Variants in BDH1 observed in about 807,000 individuals in gnomAD.
BDH1 encodes the protein 3-hydroxybutyrate dehydrogenase 1.
In BDH1, 30 loss-of-function variants were observed where a neutral mutation model predicts 33.1. The observed-to-expected ratio is 0.91, with a 90% CI of 0.68 to 1.23. The LOEUF (loss-of-function observed/expected upper bound fraction) is 1.23. Among genes scored for constraint, BDH1 ranks in the 50% most tolerant of loss-of-function variants. BDH1 has a pLI of 0.00. For missense variants in BDH1, 443 were observed against 464.4 expected, an observed-to-expected ratio of 0.95 and a Z score of 0.42; for synonymous variants, 190 against 183.6, an observed-to-expected ratio of 1.03 and a Z score of -0.28.
chr3:197,527,494 G>A (rs1482756418), intron 5 of BDH1, among the ~76,000 whole-genome samples: 1 of 152,168 alleles, frequency 6.6e-6, no homozygotes, highest in Admixed American at 6.5e-5. Context: ...ACTACTGGCA[G>A]TGCCTCATAT....
At chr3:197,545,488 A>G (rs1043858880) in intron 3 of BDH1, among the ~76,000 whole-genome samples, 1 of 152,250 alleles carries the variant, frequency 6.6e-6, no homozygotes, top group African/African-American at 2.4e-5. Flanking sequence ...ACTGAGAGAC[A>G]TTGTACAACA....
intron 5 of BDH1, among the ~76,000 whole-genome samples, chr3:197,524,712 G>C (rs574793367): frequency 1.3e-5 from 2 of 152,124 alleles, no homozygotes; most frequent in Non-Finnish European, 2.9e-5. Context: ...AGTTGGGGTG[G>C]GGGGTTGTTT....
At chr3:197,533,097 G>C (rs966528525) in intron 4 of BDH1, among the ~76,000 whole-genome samples, 8 of 152,192 alleles carry the variant, frequency 5.3e-5, no homozygotes, top group Non-Finnish European at 7.3e-5. Context: ...GGCTGGTCTT[G>C]AACTCCCTAC....
At chr3:197,565,377 C>G (rs1394552909) in intron 1 of BDH1, among the ~76,000 whole-genome samples, 1 of 152,104 alleles carries the variant, frequency 6.6e-6, no homozygotes, top group Non-Finnish European at 1.5e-5. Context: ...GTGTTCTAAA[C>G]CTTTGATATT....
chr3:197,567,389 C>T (rs2108776875), intron 1 of BDH1, among the ~76,000 whole-genome samples: 1 of 152,284 alleles, frequency 6.6e-6, no homozygotes, highest in Non-Finnish European at 1.5e-5. Context: ...GAGAAAAATG[C>T]ATATCTAATT....
rs944216067 is a variant in BDH1 at position 197,526,132 on chromosome 3, A to G, written c.268-3351T>C. Among the ~76,000 whole-genome samples, 33 of 152,358 alleles carry G rather than the reference A, an allele frequency of 2.2e-4. No homozygotes were observed. The highest frequency in any genetic ancestry group is 3.4e-3 in the Middle Eastern group (1 of 294). On this transcript the variant is annotated intron_variant, in intron 5 of 7. Transcript: ENST00000392379. The surrounding 1 kb of genome is among the most constrained non-coding windows in gnomAD (Gnocchi z 4.7). ...TTCCACTCATTCTCAGACAGTGGAC[A>G]GAGAGCCTCTTTGTTTTGGCATGAA...
At chr3:197,557,212 G>A (rs1349092393), upstream of BDH1, among the ~76,000 whole-genome samples, 1 of 152,190 alleles carries the variant, frequency 6.6e-6, no homozygotes, top group Non-Finnish European at 1.5e-5. This position sits in a 1 kb window ranked among gnomAD's most constrained non-coding sequence, Gnocchi z 4.6. Flanking sequence ...ATAAAACCGA[G>A]CTGTGTCCCA....
intron 3 of BDH1, chr3:197,542,993 T>C (rs2108754788): frequency 2.0e-6 from 2 of 985,404 alleles, no homozygotes; most frequent in Non-Finnish European, 2.4e-6. Context: ...AGCGCCCTGG[T>C]CATCCCGGCC....
At chr3:197,524,276 C>T (rs759791312) in intron 5 of BDH1, among the ~76,000 whole-genome samples, 2 of 152,208 alleles carry the variant, frequency 1.3e-5, no homozygotes, top group Non-Finnish European at 2.9e-5. Context: ...AATGCCCACT[C>T]GCCAGCCAAG....
At chr3:197,533,598 A>G in intron 3 of BDH1, 37 bp from the exon 4 acceptor site, 1 of 1,602,186 alleles carries the variant, frequency 6.2e-7, no homozygotes, top group South Asian at 1.1e-5. Context: ...ACAAGGACAG[A>G]CTAGACAGAC....
At position 197,511,589 on chromosome 3, in the gene BDH1, G is replaced by A. The variant is rs1191578994; in HGVS notation, c.*306C>T. The A allele has an allele frequency of 7.8e-6, 3 of 382,290 alleles. No individual in the cohort carries two copies. The highest frequency in any genetic ancestry group is 6.2e-5 in the African/African-American group (3 of 48,252). 23.7% of individuals were successfully genotyped at this position (382,290 alleles called of 1,614,324 possible). On this transcript the variant is annotated 3_prime_UTR_variant, in exon 8 of 8. Transcript: ENST00000392379. ...TGAGACTGGCTTAAGGATCAAATGA[G>A]ATCTGTTTTTAATATAAAGATGTTT...
At chr3:197,572,718 C>T (rs1717651633) in intron 1 of BDH1, among the ~76,000 whole-genome samples, 1 of 152,130 alleles carries the variant, frequency 6.6e-6, no homozygotes, top group Non-Finnish European at 1.5e-5. Context: ...GCCCGGACAA[C>T]ATAGCAAGAC....
intron 2 of BDH1, among the ~76,000 whole-genome samples, chr3:197,552,682 AC>A (rs951609827): frequency 4.6e-5 from 7 of 152,086 alleles, no homozygotes; most frequent in African/African-American, 1.7e-4. Flanking sequence ...TTCTCTGGCC[AC>A]CCCATCTATC....
In BDH1 at chr3:197,515,529, T is replaced by C. The variant is rs191114605; in HGVS notation, c.410-1113A>G. Reference sequence around the variant, plus strand: ...CACTTCCACGTCATCTTCGAGACCATAGCCACTGATCCTTCTCTCTCTTTT... The same window carrying C: ...CACTTCCACGTCATCTTCGAGACCACAGCCACTGATCCTTCTCTCTCTTTT... On this transcript the variant is annotated intron_variant, in intron 6 of 7. Coordinates refer to ENST00000392379, the MANE Select transcript of BDH1 (RefSeq NM_203314.3). 5.1e-4 allele frequency: 507 copies of C among 985,746 alleles called. No homozygotes were observed. The African/African-American group carries it at 8.1e-3, about 16-fold the overall frequency. 61.1% of individuals were successfully genotyped at this position (985,746 alleles called of 1,614,324 possible).
chr3:197,535,592 C>T (rs1299660740), intron 3 of BDH1, among the ~76,000 whole-genome samples: 1 of 152,214 alleles, frequency 6.6e-6, no homozygotes, highest in Non-Finnish European at 1.5e-5. Context: ...AGTGATAGAG[C>T]TAACTAGTGA....
At chr3:197,531,852 C>T (rs529185749) in intron 5 of BDH1, among the ~76,000 whole-genome samples, 2 of 152,266 alleles carry the variant, frequency 1.3e-5, no homozygotes, top group South Asian at 4.1e-4. Flanking sequence ...TTAAATTCTA[C>T]TTAATGTGTC....
intron 2 of BDH1, among the ~76,000 whole-genome samples, chr3:197,548,705 G>C (rs923488487): frequency 2.0e-5 from 3 of 152,076 alleles, no homozygotes; most frequent in Non-Finnish European, 4.4e-5. Flanking sequence ...ACAAAAAATA[G>C]CCAGGCGTGG....
In BDH1 at chr3:197,522,634, C is replaced by A. The variant is rs1713674891; in HGVS notation, c.409+6G>T. On this transcript the variant is annotated splice_donor_region_variant and intron_variant, in intron 6 of 7. Coordinates refer to ENST00000392379, the MANE Select transcript of BDH1 (RefSeq NM_203314.3). The surrounding 1 kb of genome is among the most constrained non-coding windows in gnomAD (Gnocchi z 4.8). ...ACAACCCCTGCCGTCCGAAGGGGCG[C>A]CCTACCTTTCTCAGGGTCCTTCAGG... 6.2e-7 allele frequency: 1 copy of A among 1,613,946 alleles called. No individual in the cohort carries two copies. Among genetic ancestry groups the A allele is most frequent in the African/African-American group, 1.3e-5 (1 of 74,928 alleles).
intron 1 of BDH1, among the ~76,000 whole-genome samples, chr3:197,564,436 G>A (rs1717368051): frequency 6.6e-6 from 1 of 152,032 alleles, no homozygotes; most frequent in Non-Finnish European, 1.5e-5. Flanking sequence ...ATGTCTCTCT[G>A]TATGAGGTTT....
Sources: gnomAD v4.1 joint callset for allele counts (sites outside exome capture counted in the v4.1 genomes callset) on GRCh38, gnomAD v4.1.1 for gene constraint, Gnocchi (gnomAD v3.1) non-coding constraint, MANE v1.5 for transcripts, NCBI Gene and HGNC (gene_info 2026-07-23, HGNC 2026-07-21) for gene names.